The following NUP93 variants were observed in gnomAD, a reference collection of about 807,000 sequenced individuals.
NUP93 encodes the protein nucleoporin 93.
NUP93 carries 55 observed loss-of-function variants against 107.8 expected under a neutral mutation model. The observed-to-expected ratio is 0.51, with a 90% CI of 0.41 to 0.64. NUP93 has a LOEUF of 0.64. NUP93 is among the 30% of genes least tolerant of loss of function. The pLI is 0.00. For missense variants in NUP93, 937 were observed against 1,044.7 expected, an observed-to-expected ratio of 0.90 and a Z score of 1.42; for synonymous variants, 390 against 397.5, an observed-to-expected ratio of 0.98 and a Z score of 0.22.
intron 19 of NUP93, 23 bp downstream of exon 19, chr16:56,839,092 G>T: frequency 6.5e-7 from 1 of 1,541,370 alleles, no homozygotes; most frequent in South Asian, 1.1e-5. Context: ...AAAGGTGTTT[G>T]AAGTGCAGGT....
At chr16:56,788,734 A>T (rs1332921637) in intron 3 of NUP93, among the ~76,000 whole-genome samples, 1 of 152,210 alleles carries the variant, frequency 6.6e-6, no homozygotes, top group Admixed American at 6.5e-5. Flanking sequence ...TTCCTCCCCA[A>T]GTGCAGCAAC....
intron 3 of NUP93, among the ~76,000 whole-genome samples, chr16:56,782,817 T>C (rs1962543311): frequency 6.6e-6 from 1 of 152,174 alleles, no homozygotes; most frequent in Non-Finnish European, 1.5e-5. Flanking sequence ...TGAGAAGAAC[T>C]AAACAGTAAC....
At chr16:56,730,740 G>C (rs1465642020) in intron 1 of NUP93, among the ~76,000 whole-genome samples, 1 of 152,170 alleles carries the variant, frequency 6.6e-6, no homozygotes, top group Non-Finnish European at 1.5e-5. Context: ...TGGAACCCAG[G>C]GGTGGCCCAC....
rs755118448 is a variant in NUP93 at position 56,831,891 on chromosome 16, C to T, written c.1135C>T (p.Leu379Phe). ...GCTCCGGCTGCATTACCGTAGGGCC[C>T]TCAGGAACAATACAGATCCCTACAA... ...NKLRLHYRRA[L>F]RNNTDPYKRA... The change falls in exon 11 of 22, where the codon CTC becomes TTC. Residue 379 changes from leucine (L) to phenylalanine (F), a missense_variant. Leu to Phe is a conservative substitution (Grantham distance 22). Coordinates refer to ENST00000308159, the MANE Select transcript of NUP93 (RefSeq NM_014669.5). 1.9e-6 allele frequency: 3 copies of T among 1,614,116 alleles called. No homozygotes were observed. In the East Asian group the frequency reaches 6.7e-5, roughly 36 times the overall value.
chr16:56,838,851 G>A (rs146398303), intron 18 of NUP93, 101 bp from the exon 19 acceptor site: 10 of 819,120 alleles, frequency 1.2e-5, no homozygotes, highest in East Asian at 5.1e-5. Context: ...AGGCATGAGC[G>A]ACCACACCCC....
chr16:56,770,127 C>T (rs535090689), intron 3 of NUP93, among the ~76,000 whole-genome samples: 26 of 152,258 alleles, frequency 1.7e-4, no homozygotes, highest in African/African-American at 4.8e-4. Flanking sequence ...TATAAACAAA[C>T]GCAAACTAAC....
intron 3 of NUP93, among the ~76,000 whole-genome samples, chr16:56,789,837 G>A (rs1212280971): frequency 2.0e-5 from 3 of 152,160 alleles, no homozygotes; most frequent in Non-Finnish European, 2.9e-5. Flanking sequence ...AGTGGCTCAC[G>A]CCTGTAATTC....
intron 21 of NUP93, among the ~76,000 whole-genome samples, 155 bp from the exon 22 acceptor site, chr16:56,844,344 A>C (rs564637214): frequency 6.6e-6 from 1 of 152,306 alleles, no homozygotes; most frequent in African/African-American, 2.4e-5. Flanking sequence ...AATGTGACAG[A>C]GGAGGGTATG....
At position 56,829,018 on chromosome 16, in the gene NUP93, A is replaced by C; in HGVS notation, c.836A>C (p.His279Pro). 6.2e-7 allele frequency: 1 copy of C among 1,613,800 alleles called. No individual in the cohort carries two copies. The highest frequency in any genetic ancestry group is 1.1e-5 in the South Asian group (1 of 90,942). Residue 279 changes from histidine (H) to proline (P), a missense_variant, in exon 9 of 22, where the codon CAT becomes CCT. Coordinates refer to ENST00000308159, the MANE Select transcript of NUP93 (RefSeq NM_014669.5). ...YTLVTVFGNLHQAQLGGVPGT... is the reference protein window; with the variant it reads ...YTLVTVFGNLPQAQLGGVPGT... The stretch of plus-strand genomic sequence containing the variant: ...CTTGTGACTGTCTTTGGAAATTTGC[A>C]TCAGGCCCAGCTGGGCGGGGTGCCT...
In NUP93 at chr16:56,758,590, T is replaced by C. The variant is rs1458011872; in HGVS notation, c.232T>C (p.Leu78=). ...TGACATATCCCACATCTCCCAGCGA[T>C]TGGAGAGTCTGAGTGCAGCCACCAC... ...GLDISHISQR[L]ESLSAATTFE... Residue 78 remains leucine (L), a synonymous_variant, in exon 3 of 22, where the codon TTG becomes CTG. Coordinates refer to ENST00000308159, the MANE Select transcript of NUP93 (RefSeq NM_014669.5). The C allele has an allele frequency of 8.1e-6, 13 of 1,613,738 alleles. No individual in the cohort carries two copies. Among genetic ancestry groups the C allele is most frequent in the Non-Finnish European group, 1.1e-5 (13 of 1,179,836 alleles).
intron 3 of NUP93, among the ~76,000 whole-genome samples, chr16:56,794,074 G>A (rs372053521): frequency 0.012 from 690 of 56,112 alleles, 3 homozygotes; most frequent in Non-Finnish European, 0.016. Context: ...AGATAGATAG[G>A]TAGGTAGGTA....
At chr16:56,822,197 C>T (rs1963559395) in intron 7 of NUP93, among the ~76,000 whole-genome samples, 1 of 151,186 alleles carries the variant, frequency 6.6e-6, no homozygotes, top group Non-Finnish European at 1.5e-5. Flanking sequence ...AGCACCCATA[C>T]ACAGATTTTT....
chr16:56,831,926 G>GT lies in NUP93; in HGVS notation c.1171dup (p.Tyr391LeufsTer8). 1 of 1,614,150 alleles carries GT rather than the reference G, an allele frequency of 6.2e-7. No homozygotes were observed. Among genetic ancestry groups the GT allele is most frequent in the Non-Finnish European group, 8.5e-7 (1 of 1,180,018 alleles). ...ATACAGATCCCTACAAGCGGGCCGT[G>GT]TACTGTATCATTGGCAGATGTGACG... On this transcript the variant is annotated frameshift_variant, in exon 11 of 22. Transcript: ENST00000308159. LOFTEE classifies it high-confidence loss of function.
intron 20 of NUP93, 84 bp from the exon 21 acceptor site, chr16:56,841,621 C>G: frequency 6.5e-7 from 1 of 1,542,726 alleles, no homozygotes; most frequent in Non-Finnish European, 8.8e-7. Context: ...CCAGGCCTGC[C>G]TGGAGCAGCC....
At chr16:56,805,700 G>T in intron 5 of NUP93, 68 bp downstream of exon 5, 1 of 1,524,962 alleles carries the variant, frequency 6.6e-7, no homozygotes, top group South Asian at 1.2e-5. Flanking sequence ...TTGTCTACTT[G>T]ACTAGTATTT....
intron 6 of NUP93, among the ~76,000 whole-genome samples, chr16:56,821,281 G>T (rs542609280): frequency 2.6e-5 from 4 of 152,086 alleles, no homozygotes; most frequent in African/African-American, 4.8e-5. Flanking sequence ...CCTGGACCCC[G>T]CTGCTCCCGT....
At chr16:56,764,887 T>C (rs1962190726) in intron 3 of NUP93, among the ~76,000 whole-genome samples, 1 of 152,256 alleles carries the variant, frequency 6.6e-6, no homozygotes, top group African/African-American at 2.4e-5. Context: ...AGAAATGCAG[T>C]TGTCATTTTC....
At chr16:56,808,926 G>T (rs1259143349) in intron 5 of NUP93, among the ~76,000 whole-genome samples, 1 of 150,982 alleles carries the variant, frequency 6.6e-6, no homozygotes, top group Non-Finnish European at 1.5e-5. Flanking sequence ...TTCTCCCTTT[G>T]TCTTCCCCAT....
Position 56,748,427 on chromosome 16 carries a change from G to A in NUP93, c.179+1G>A, listed in dbSNP as rs1233809089. On this transcript the variant is annotated splice_donor_variant, in intron 2 of 21. Transcript: ENST00000308159. LOFTEE classifies it high-confidence loss of function. ...CCCAGGAGACGGCAGATGTCAAGGC[G>A]TGAGTACTGGTAGGGAGACAGCATT... 18 of 1,610,634 alleles carry A rather than the reference G, an allele frequency of 1.1e-5. No homozygotes were observed. The highest frequency in any genetic ancestry group is 1.5e-5 in the Non-Finnish European group (18 of 1,177,800).
Sources: allele counts gnomAD v4.1 joint callset (sites outside exome capture counted in the v4.1 genomes callset), GRCh38; gene constraint gnomAD v4.1.1; transcripts MANE v1.5; gene names NCBI Gene and HGNC (gene_info 2026-07-23, HGNC 2026-07-21).